PIP5KL1: variants seen among roughly 807,000 people sequenced by gnomAD.
The protein encoded by PIP5KL1 is phosphatidylinositol 4-phosphate 5-kinase-like protein 1.
PIP5KL1 carries 45 observed loss-of-function variants against 47.6 expected under a neutral mutation model. That is an observed-to-expected ratio of 0.94 (90% CI 0.74 to 1.21). The LOEUF is 1.21. Among genes scored for constraint, PIP5KL1 ranks in the 50% most tolerant of loss-of-function variants. PIP5KL1 has a pLI of 0.00. For missense variants in PIP5KL1, 577 were observed against 547.6 expected (o/e 1.05, Z -0.54); for synonymous variants, 256 against 234.6 (o/e 1.09, Z -0.84).
chr9:127,924,446 G>A (rs1372648683), intron 9 of PIP5KL1, among the ~76,000 whole-genome samples: 3 of 149,314 alleles, frequency 2.0e-5, no homozygotes, highest in East Asian at 2.0e-4. Context: ...AGCCAAGATC[G>A]CGCCACTGTA....
chr9:127,930,671 C>A (rs1588686747), intron 1 of PIP5KL1, 52 bp downstream of exon 1: 16 of 1,494,234 alleles, frequency 1.1e-5, no homozygotes, highest in Middle Eastern at 3.6e-4. Context: ...GGAGGCCCGG[C>A]CCCTGCCCAC....
intron 7 of PIP5KL1, among the ~76,000 whole-genome samples, chr9:127,926,571 C>CG (rs1043589084): frequency 1.9e-4 from 29 of 152,326 alleles, no homozygotes; most frequent in African/African-American, 6.0e-4. Flanking sequence ...AGCTGAACCC[C>CG]GGCCTATTAT....
rs571718950 is a variant in PIP5KL1, at chr9:127,923,010, T to A, written c.918-896A>T. ...CTTCAGGTAAGTCTATTTCCTAAAT[T>A]TCTCTTTGGAGTCATCCAACCCCAG... On this transcript the variant is annotated intron_variant, in intron 9 of 9. Coordinates refer to ENST00000388747, the MANE Select transcript of PIP5KL1 (RefSeq NM_001135219.2). Among the ~76,000 whole-genome samples, 318 of 152,346 alleles carry A rather than the reference T, an allele frequency of 2.1e-3. 1 individual carries two copies. The highest frequency in any genetic ancestry group is 3.7e-3 in the Non-Finnish European group (253 of 68,038).
rs755493226 is a variant in PIP5KL1 at position 127,921,936 on chromosome 9, G to A, written c.1096C>T (p.Leu366=). The change falls in exon 10 of 10, where the codon CTG becomes TTG. Residue 366 remains leucine, a synonymous_variant. Coordinates refer to ENST00000388747, the MANE Select transcript of PIP5KL1 (RefSeq NM_001135219.2). ...RKRLEHLWKT[L]RYPGRTFSTV... ...GAGAAGGTCCGGCCTGGGTAGCGCA[G>A]TGTCTTCCACAGGTGCTCCAGCCGC... is the stretch of plus-strand genomic sequence containing the variant. 10 of 1,577,782 alleles carry A rather than the reference G, an allele frequency of 6.3e-6. 1 individual carries two copies. The South Asian group carries it at 1.2e-4, about 18-fold the overall frequency.
Position 127,925,962 on chromosome 9 carries a change from C to A in PIP5KL1, c.668G>T (p.Cys223Phe). 1 of 1,613,512 alleles carries A rather than the reference C, an allele frequency of 6.2e-7. No homozygotes were observed. Among genetic ancestry groups the A allele is most frequent in the Non-Finnish European group, 8.5e-7 (1 of 1,179,728 alleles). ...RISERYDIKG[C>F]EVSRWVDPAP... is the part of the protein sequence containing the mutation. ...GGGATCCACCCAGCGGCTCACCTCGCAGCCTTTGATGTCATACCTGGGTGG... is the reference window on the plus strand; with the variant it reads ...GGGATCCACCCAGCGGCTCACCTCGAAGCCTTTGATGTCATACCTGGGTGG... Residue 223 changes from cysteine (C) to phenylalanine (F), a missense_variant, in exon 8 of 10, where the codon TGC (cysteine) becomes TTC (phenylalanine). By Grantham distance (205) the Cys-to-Phe change is radical (BLOSUM62 -2). Coordinates refer to ENST00000388747, the MANE Select transcript of PIP5KL1 (RefSeq NM_001135219.2).
At chr9:127,930,351 A>G (rs1346366732) in intron 1 of PIP5KL1, among the ~76,000 whole-genome samples, 1 of 152,178 alleles carries the variant, frequency 6.6e-6, no homozygotes, top group African/African-American at 2.4e-5. Flanking sequence ...CCATTCGCCT[A>G]TGCTGAGCGC....
At chr9:127,928,379 G>A (rs1190923223) in intron 3 of PIP5KL1, 54 bp downstream of exon 3, 2 of 1,561,210 alleles carry the variant, frequency 1.3e-6, no homozygotes, top group African/African-American at 2.7e-5. Context: ...AAACTGCAGA[G>A]GAGAGAGCAA....
Position 127,925,987 on chromosome 9 carries a change from G to A in PIP5KL1, c.651-8C>T, listed in dbSNP as rs1831356324. 1 of 1,600,254 alleles carries A rather than the reference G, an allele frequency of 6.2e-7. No individual in the cohort carries two copies. Among genetic ancestry groups the A allele is most frequent in the Non-Finnish European group, 8.5e-7 (1 of 1,169,818 alleles). On this transcript the variant is annotated splice_region_variant and splice_polypyrimidine_tract_variant and intron_variant, in intron 7 of 9. Transcript: ENST00000388747. Reference sequence around the variant, plus strand: ...CAGCCTTTGATGTCATACCTGGGTGGGGGGACAGAATTCAGCTTTACATAG... The same window carrying A: ...CAGCCTTTGATGTCATACCTGGGTGAGGGGACAGAATTCAGCTTTACATAG...
At chr9:127,928,606 C>T (rs920579208) in intron 2 of PIP5KL1, 123 bp from the exon 3 acceptor site, 241 of 1,090,136 alleles carry the variant, frequency 2.2e-4, no homozygotes, top group Non-Finnish European at 3.0e-4. Flanking sequence ...TTCAGCAAAC[C>T]GGGACCGGAG....
chr9:127,924,490 C>CAA (rs544298136), intron 9 of PIP5KL1, among the ~76,000 whole-genome samples: 4 of 106,786 alleles, frequency 3.7e-5, no homozygotes, highest in East Asian at 5.1e-4. Context: ...GACTCCATCT[C>CAA]AAAAAAAAAA....
At position 127,928,154 on chromosome 9, in the gene PIP5KL1, C is replaced by T; in HGVS notation, c.345G>A (p.Ala115=). Residue 115 remains alanine (A), a synonymous_variant, in exon 4 of 10, where the codon GCG becomes GCA. Transcript: ENST00000388747. ...CCAGGGCAGCCTGATAGTCCTCCTC[C>T]GCCAGGCCCAGGGAGCGGCGCAGCC... The part of the protein sequence containing the change: ...FAWLRRSLGL[A]EEDYQAALGP... 2 of 1,542,684 alleles carry T rather than the reference C, an allele frequency of 1.3e-6. No homozygotes were observed.
rs746173531 is a variant in PIP5KL1, at chr9:127,928,265, G to T, written c.280-46C>A. 2.0e-6 allele frequency: 3 copies of T among 1,530,456 alleles called. No individual in the cohort carries two copies. In the South Asian group the frequency reaches 3.7e-5, roughly 19 times the overall value. The allele number at this position is 1,530,456 out of a possible 1,614,324, so 94.8% of individuals were successfully genotyped here. On this transcript the variant is annotated intron_variant, in intron 3 of 9. Coordinates refer to ENST00000388747, the MANE Select transcript of PIP5KL1 (RefSeq NM_001135219.2). Reference sequence around the variant, plus strand: ...CCTCTGGAGTGTCTGCGTGGGCCCGGGTGTGTGCAGTTGGTCCTGGGACAG... The same window carrying T: ...CCTCTGGAGTGTCTGCGTGGGCCCGTGTGTGTGCAGTTGGTCCTGGGACAG...
intron 1 of PIP5KL1, 145 bp downstream of exon 1, chr9:127,930,578 C>A: frequency 9.9e-7 from 1 of 1,007,116 alleles, no homozygotes; most frequent in Non-Finnish European, 1.3e-6. Flanking sequence ...CCTGGCGCCC[C>A]GTGTGGGGCG....
In PIP5KL1 at chr9:127,925,259, C is replaced by T; in HGVS notation, c.765G>A (p.Gly255=). 6.2e-7 allele frequency: 1 copy of T among 1,611,916 alleles called. No individual in the cohort carries two copies. Among genetic ancestry groups the T allele is most frequent in the Non-Finnish European group, 8.5e-7 (1 of 1,179,954 alleles). The change falls in exon 9 of 10, where the codon GGG becomes GGA. Residue 255 remains glycine (G), a splice_region_variant and synonymous_variant. Transcript: ENST00000388747. ...GGCGGAGGAACCAGCTCCGCTGGGG[C>T]CCTGCCGGAGCATCAGTGCCCCCAC... The part of the protein sequence containing the change: ...LNFQGKTINL[G]PQRSWFLRQM...
At position 127,921,863 on chromosome 9, in the gene PIP5KL1, T is replaced by A. The variant is rs939460368; in HGVS notation, c.1169A>T (p.Glu390Val). ...RYARRLCQWVEAHTE is the reference protein window; with the variant it reads ...RYARRLCQWVVAHTE The stretch of plus-strand genomic sequence containing the variant: ...GGGCGCCCGTCACTCCGTGTGCGCC[T>A]CCACCCACTGGCAGAGGCGACGGGC... Residue 390 changes from glutamate (E) to valine (V), a missense_variant, in exon 10 of 10, where the codon GAG becomes GTG. Transcript: ENST00000388747. 2 of 1,575,012 alleles carry A rather than the reference T, an allele frequency of 1.3e-6. No homozygotes were observed. The highest frequency in any genetic ancestry group is 1.8e-5 in the Admixed American group (1 of 56,056).
Position 127,928,569 on chromosome 9 carries a change from G to A in PIP5KL1, c.229-86C>T, listed in dbSNP as rs1318835607. 4.5e-6 allele frequency: 6 copies of A among 1,319,218 alleles called. No individual in the cohort carries two copies. The South Asian group carries it at 5.9e-5, about 13-fold the overall frequency. The allele number at this position is 1,319,218 out of a possible 1,614,324, so 81.7% of individuals were successfully genotyped here. ...TCTCCAGATGTCCTGCACCTGGCCC[G>A]TCCCCCACCTCCTCCAATTGGATTC... On this transcript the variant is annotated intron_variant, in intron 2 of 9. Transcript: ENST00000388747.
chr9:127,927,367 A>T lies in PIP5KL1; in HGVS notation c.560-36T>A. The T allele has an allele frequency of 6.3e-7, 1 of 1,588,938 alleles. No homozygotes were observed. ...AGAGGGCGCCGGATGAGGATCCCCA[A>T]ACTCCACAACCCGGGGTGCATCCGG... On this transcript the variant is annotated intron_variant, in intron 5 of 9. Transcript: ENST00000388747. This position sits in a 1 kb window ranked among gnomAD's most constrained non-coding sequence, Gnocchi z 5.5.
Position 127,929,668 on chromosome 9 carries a change from G to A in PIP5KL1, c.228+20C>T. 6.5e-7 allele frequency: 1 copy of A among 1,532,652 alleles called. No homozygotes were observed. The highest frequency in any genetic ancestry group is 8.8e-7 in the Non-Finnish European group (1 of 1,131,210). 94.9% of individuals were successfully genotyped at this position (1,532,652 alleles called of 1,614,324 possible). On this transcript the variant is annotated intron_variant, in intron 2 of 9. Coordinates refer to ENST00000388747, the MANE Select transcript of PIP5KL1 (RefSeq NM_001135219.2). The surrounding 1 kb of genome is among the most constrained non-coding windows in gnomAD (Gnocchi z 4.0). ...TGCCATTGCTGGTGTGGAGATTCGT[G>A]GGACAGATGGGCCACTCACCGTGGG...
rs1028379836 is a variant in PIP5KL1, at chr9:127,921,658, G to T, written c.*189C>A. The T allele has an allele frequency of 2.2e-5, 16 of 732,850 alleles. No individual in the cohort carries two copies. In the African/African-American group the frequency reaches 2.7e-4, roughly 12 times the overall value. 45.4% of individuals were successfully genotyped at this position (732,850 alleles called of 1,614,324 possible). A position where few individuals can be genotyped will look rare whatever the true frequency, so the allele number is the denominator to read the frequency against. On this transcript the variant is annotated 3_prime_UTR_variant, in exon 10 of 10. Coordinates refer to ENST00000388747, the MANE Select transcript of PIP5KL1 (RefSeq NM_001135219.2). ...GAGGATTAAATGAGCTAAAGTAGGGGAGTCCTTGGCACGATGCTGGGCACG... is the reference window on the plus strand; with the variant it reads ...GAGGATTAAATGAGCTAAAGTAGGGTAGTCCTTGGCACGATGCTGGGCACG...
Sources: gnomAD v4.1 joint callset for allele counts (sites outside exome capture counted in the v4.1 genomes callset) on GRCh38, gnomAD v4.1.1 for gene constraint, Gnocchi (gnomAD v3.1) non-coding constraint, MANE v1.5 for transcripts, NCBI Gene and HGNC (gene_info 2026-07-23, HGNC 2026-07-21) for gene names.